FNBP4: variants seen among roughly 807,000 people sequenced by gnomAD.
FNBP4 encodes formin binding protein 4.
FNBP4 carries 34 observed loss-of-function variants against 119.3 expected under a neutral mutation model. The observed-to-expected ratio is 0.28, with a 90% confidence interval of 0.22 to 0.38. The LOEUF (loss-of-function observed/expected upper bound fraction) is 0.38. Ranked by LOEUF, FNBP4 falls within the 10% of genes least tolerant of loss-of-function variation. The probability of loss-of-function intolerance (pLI) is 1.00; values close to 1 mark genes in which losing one functional copy is unlikely to be tolerated. For missense variants in FNBP4, 1,112 were observed against 1,228.9 expected (o/e 0.90, Z 1.42); for synonymous variants, 462 against 430.6 (o/e 1.07, Z -0.90).
chr11:47,738,867 T>C (rs1311105068), intron 8 of FNBP4, among the ~76,000 whole-genome samples: 1 of 22,928 alleles, frequency 4.4e-5, no homozygotes, highest in Non-Finnish European at 8.3e-5. Context: ...TTTTTTTTTT[T>C]TTTTTTTTTT....
intron 2 of FNBP4, among the ~76,000 whole-genome samples, chr11:47,756,911 A>G (rs926059551): frequency 3.9e-5 from 6 of 152,166 alleles, no homozygotes; most frequent in Admixed American, 3.3e-4. Context: ...TCTATGGTGT[A>G]TATGTGCCAC....
chr11:47,736,859 T>C, intron 8 of FNBP4, 119 bp from the exon 9 acceptor site: 1 of 962,198 alleles, frequency 1.0e-6, no homozygotes, highest in Non-Finnish European at 1.5e-6. Context: ...TTGCCTGTTT[T>C]ACTTACTTGT....
At chr11:47,749,500 G>C (rs898242153) in intron 6 of FNBP4, among the ~76,000 whole-genome samples, 1 of 152,080 alleles carries the variant, frequency 6.6e-6, no homozygotes, top group African/African-American at 2.4e-5. Flanking sequence ...AGGATGCAAT[G>C]AGCTGAAATC....
At chr11:47,748,640 T>C (rs2097595622) in intron 6 of FNBP4, among the ~76,000 whole-genome samples, 5 of 151,828 alleles carry the variant, frequency 3.3e-5, no homozygotes, top group Admixed American at 3.3e-4. Flanking sequence ...TAAATTATTA[T>C]TTTATTATTA....
intron 1 of FNBP4, among the ~76,000 whole-genome samples, chr11:47,766,838 G>T (rs2097648638): frequency 6.6e-6 from 1 of 152,056 alleles, no homozygotes; most frequent in Admixed American, 6.5e-5. Flanking sequence ...CGTTCCCGGG[G>T]CAAGCCCTGC....
chr11:47,753,144 A>C (rs748565478), intron 3 of FNBP4, 42 bp from the exon 4 acceptor site: 6 of 1,501,320 alleles, frequency 4.0e-6, no homozygotes, highest in African/African-American at 1.4e-5. Flanking sequence ...ATTATATCAA[A>C]AACAAGAAAC....
Position 47,731,539 on chromosome 11 carries a change from C to T in FNBP4, c.1843G>A (p.Val615Ile). Residue 615 changes from valine (V) to isoleucine (I), a missense_variant, in exon 12 of 17, where the codon GTA becomes ATA. Physicochemically the swap from Val to Ile is conservative, Grantham distance 29. Around this residue, in one of 2 missense-constraint regions of FNBP4, gnomAD observed 826 missense variants for 988.8 expected, o/e 0.84. Transcript: ENST00000263773. ...TGAGACTCGCCCGACTGTTCGTTTA[C>T]ATAGAAATACCGTCTATGATCCCTA... ...WDRDHRRYFY[V>I]NEQSGESQWE... is the part of the protein sequence containing the mutation. The T allele has an allele frequency of 6.2e-7, 1 of 1,611,250 alleles. No homozygotes were observed. The highest frequency in any genetic ancestry group is 8.5e-7 in the Non-Finnish European group (1 of 1,179,280).
chr11:47,760,571 A>G (rs1219149596), intron 2 of FNBP4, among the ~76,000 whole-genome samples: 4 of 151,802 alleles, frequency 2.6e-5, no homozygotes, highest in African/African-American at 9.7e-5. Flanking sequence ...AGCTGGAATT[A>G]GAGGAGTGCA....
rs546183475 is a variant in FNBP4 at position 47,765,765 on chromosome 11, C to A, written c.221-403G>T. The stretch of plus-strand genomic sequence containing the variant: ...GAGGCAGAGGTTACTGCAGCCTGGG[C>A]CACAGAGGAAGACTCCATCTCAAAA... On this transcript the variant is annotated intron_variant, in intron 1 of 16. Coordinates refer to ENST00000263773, the MANE Select transcript of FNBP4 (RefSeq NM_015308.5). Among the ~76,000 whole-genome samples, 87 of 151,570 alleles carry A rather than the reference C, an allele frequency of 5.7e-4. 1 individual carries two copies. The highest frequency in any genetic ancestry group is 2.1e-3 in the African/African-American group (85 of 41,346).
At chr11:47,727,878 G>A (rs888637661) in intron 12 of FNBP4, among the ~76,000 whole-genome samples, 6 of 152,090 alleles carry the variant, frequency 3.9e-5, no homozygotes, top group African/African-American at 1.4e-4. Context: ...GATTAAAGTG[G>A]TATATACAGC....
At chr11:47,754,743 A>G (rs1387130778) in intron 2 of FNBP4, 79 bp from the exon 3 acceptor site, 7 of 1,502,014 alleles carry the variant, frequency 4.7e-6, no homozygotes, top group South Asian at 3.9e-5. Context: ...GAAGTATAAC[A>G]TGTTTTTTTT....
In FNBP4 at chr11:47,724,782, T is replaced by C; in HGVS notation, c.2009-4A>G. The C allele has an allele frequency of 6.5e-7, 1 of 1,535,456 alleles. No homozygotes were observed. Among genetic ancestry groups the C allele is most frequent in the Non-Finnish European group, 8.8e-7 (1 of 1,142,824 alleles). On this transcript the variant is annotated splice_region_variant and splice_polypyrimidine_tract_variant and intron_variant, in intron 12 of 16. Coordinates refer to ENST00000263773, the MANE Select transcript of FNBP4 (RefSeq NM_015308.5). ...AAGGATTCTTTACAAAGAGAACCTA[T>C]GAAAACAGGTAAGAGTCAGGGAAAA...
intron 8 of FNBP4, among the ~76,000 whole-genome samples, chr11:47,740,842 G>A (rs998416410): frequency 4.0e-5 from 6 of 150,648 alleles, no homozygotes; most frequent in African/African-American, 1.5e-4. Flanking sequence ...CACCTGCCAC[G>A]GCCTCCCAAA....
At chr11:47,741,423 C>A (rs2097581863) in intron 8 of FNBP4, among the ~76,000 whole-genome samples, 1 of 151,662 alleles carries the variant, frequency 6.6e-6, no homozygotes, top group Non-Finnish European at 1.5e-5. Flanking sequence ...TCCGCTTTGC[C>A]CTCCGAAAGT....
rs1267586307 is a variant in FNBP4 at position 47,746,957 on chromosome 11, T to C, written c.907-563A>G. Among the ~76,000 whole-genome samples, 3 of 152,198 alleles carry C rather than the reference T, an allele frequency of 2.0e-5. 1 individual carries two copies. The highest frequency in any genetic ancestry group is 7.2e-5 in the African/African-American group (3 of 41,450). On this transcript the variant is annotated intron_variant, in intron 6 of 16. Coordinates refer to ENST00000263773, the MANE Select transcript of FNBP4 (RefSeq NM_015308.5). ...CTCAGGATGTCAAAAGGCAGACTAG[T>C]AGTAAACAGAGATAGATTTAAGATC...
chr11:47,765,500 C>G, intron 1 of FNBP4, 138 bp from the exon 2 acceptor site: 1 of 507,154 alleles, frequency 2.0e-6, no homozygotes, highest in East Asian at 3.7e-5. Context: ...TAGATTCCAT[C>G]AATTTTTTAA....
intron 8 of FNBP4, among the ~76,000 whole-genome samples, chr11:47,742,567 T>C (rs980490190): frequency 2.0e-5 from 3 of 150,732 alleles, no homozygotes; most frequent in Non-Finnish European, 4.4e-5. Context: ...AATTTTCCTT[T>C]ATGTTATTTC....
chr11:47,738,415 A>C (rs2097577121), intron 8 of FNBP4, among the ~76,000 whole-genome samples: 2 of 152,016 alleles, frequency 1.3e-5, no homozygotes. Context: ...AATACAAAAA[A>C]TTAGCTGGGT....
intron 6 of FNBP4, 104 bp from the exon 7 acceptor site, chr11:47,746,498 G>A (rs2097590565): frequency 9.7e-7 from 1 of 1,035,868 alleles, no homozygotes; most frequent in African/African-American, 1.6e-5. Context: ...TTCAGTAGCT[G>A]AATACTCAAG....
Sources: allele counts gnomAD v4.1 joint callset (sites outside exome capture counted in the v4.1 genomes callset), GRCh38; gene constraint gnomAD v4.1.1; regional missense constraint gnomAD v4.1.1; transcripts MANE v1.5; gene names NCBI Gene and HGNC (gene_info 2026-07-23, HGNC 2026-07-21).